FRK: variants seen among roughly 807,000 people sequenced by gnomAD.
FRK encodes tyrosine-protein kinase FRK.
A neutral mutation model predicts 56.4 loss-of-function variants in FRK; 51 were observed. That is an observed-to-expected ratio of 0.90 (90% confidence interval 0.72 to 1.14). The LOEUF (loss-of-function observed/expected upper bound fraction) is 1.14, where lower values mean the gene tolerates loss of function less well. Among genes scored for constraint, FRK ranks in the 50% most tolerant of loss-of-function variants. The pLI is 0.00. For synonymous variants in FRK, 245 were observed against 217.9 expected, an observed-to-expected ratio of 1.12 and a Z score of -1.10; for missense variants, 570 against 601.4, an observed-to-expected ratio of 0.95 and a Z score of 0.55.
intron 5 of FRK, among the ~76,000 whole-genome samples, chr6:115,947,051 G>A (rs1772482872): frequency 6.6e-6 from 1 of 152,012 alleles, no homozygotes; most frequent in South Asian, 2.1e-4. Context: ...TCTGGTAGAG[G>A]TAAACATAAA....
chr6:115,975,082 G>C (rs1399998575), intron 2 of FRK, among the ~76,000 whole-genome samples: 3 of 151,998 alleles, frequency 2.0e-5, no homozygotes, highest in Admixed American at 6.6e-5. Flanking sequence ...ATATTAAATA[G>C]GTAATTATGG....
At chr6:116,073,245 T>C in the FRK span, among the ~76,000 whole-genome samples, 3 of 152,192 alleles carry the variant, frequency 2.0e-5, no homozygotes, top group African/African-American at 7.2e-5. Context: ...GACTTCAAAA[T>C]GTGTCTTATC....
chr6:116,001,665 C>G (rs1481758141), intron 2 of FRK, among the ~76,000 whole-genome samples: 1 of 152,136 alleles, frequency 6.6e-6, no homozygotes, highest in Non-Finnish European at 1.5e-5. Flanking sequence ...AAGTTTGAAT[C>G]CCTCATTTGC....
At chr6:115,960,360 T>G (rs532258271) in intron 4 of FRK, among the ~76,000 whole-genome samples, 26 of 151,648 alleles carry the variant, frequency 1.7e-4, no homozygotes, top group Middle Eastern at 3.4e-3. Flanking sequence ...GGCGCACCAC[T>G]AGACTATATC....
intron 1 of FRK, among the ~76,000 whole-genome samples, chr6:116,045,835 T>C (rs1776930894): frequency 6.6e-6 from 1 of 152,266 alleles, no homozygotes; most frequent in Admixed American, 6.5e-5. Context: ...CAAAAGAAAC[T>C]ATCATCAGAG....
At chr6:116,064,078 C>T (rs987390421), upstream of FRK, among the ~76,000 whole-genome samples, 1 of 152,230 alleles carries the variant, frequency 6.6e-6, no homozygotes, top group South Asian at 2.1e-4. Flanking sequence ...CAGCATGATA[C>T]ACAAGGCCCT....
chr6:116,030,348 C>T (rs1582733690), intron 1 of FRK, among the ~76,000 whole-genome samples: 1 of 152,214 alleles, frequency 6.6e-6, no homozygotes, highest in Admixed American at 6.6e-5. Flanking sequence ...GAGAACTCAG[C>T]CAAAATCATT....
chr6:116,059,176 A>T (rs1399295869), intron 1 of FRK, among the ~76,000 whole-genome samples: 1 of 152,120 alleles, frequency 6.6e-6, no homozygotes, highest in Non-Finnish European at 1.5e-5. Flanking sequence ...AGGTGGATGG[A>T]TGGATGGATG....
chr6:116,003,470 A>G (rs1389980530), intron 2 of FRK, among the ~76,000 whole-genome samples: 1 of 152,208 alleles, frequency 6.6e-6, no homozygotes, highest in East Asian at 1.9e-4. Flanking sequence ...TAATCATTTC[A>G]ATTCGTTTTA....
At position 115,941,857 on chromosome 6, in the gene FRK, G is replaced by T. The variant is rs983982380; in HGVS notation, c.*557C>A. On this transcript the variant is annotated 3_prime_UTR_variant, in exon 8 of 8. Coordinates refer to ENST00000606080, the MANE Select transcript of FRK (RefSeq NM_002031.3). ...CATTTTTTTATGCATAGAAAAAAATGTGCAATTACTCCAAGTACAATCAAG... is the reference window on the plus strand; with the variant it reads ...CATTTTTTTATGCATAGAAAAAAATTTGCAATTACTCCAAGTACAATCAAG... The T allele has an allele frequency of 6.6e-6, 1 of 152,468 alleles. No homozygotes were observed. The highest frequency in any genetic ancestry group is 2.4e-5 in the African/African-American group (1 of 41,366). The allele number at this position is 152,468 out of a possible 1,614,324, so 9.4% of individuals were successfully genotyped here.
Position 115,943,152 on chromosome 6 carries a change from C to A in FRK, c.1174G>T (p.Glu392Ter). The change falls in exon 7 of 8, where the codon GAA becomes TAA. Residue 392 changes from glutamate to a stop codon, truncating the protein, a stop_gained. Transcript: ENST00000606080. LOFTEE classifies it high-confidence loss of function. Reference protein sequence around the residue: ...DNEDIYESRHEIKLPVKWTAP... With the variant: ...DNEDIYESRH The stretch of plus-strand genomic sequence containing the variant: ...GTCCACTTCACCGGCAGCTTTATTT[C>A]GTGTCTAGATTCATAGATGTCTTCA... The A allele has an allele frequency of 6.2e-7, 1 of 1,612,274 alleles. No homozygotes were observed. The highest frequency in any genetic ancestry group is 8.5e-7 in the Non-Finnish European group (1 of 1,179,222).
chr6:116,051,803 A>T (rs1338840570), intron 1 of FRK, among the ~76,000 whole-genome samples: 1 of 152,158 alleles, frequency 6.6e-6, no homozygotes, highest in Non-Finnish European at 1.5e-5. Context: ...AAAACTAGTA[A>T]AAAGAAGATA....
intron 2 of FRK, among the ~76,000 whole-genome samples, chr6:115,977,996 T>A (rs528632338): frequency 6.6e-6 from 1 of 152,140 alleles, no homozygotes; most frequent in African/African-American, 2.4e-5. Flanking sequence ...CAATTTCCCA[T>A]GAAAAGTACA....
At chr6:115,956,679 G>T in intron 4 of FRK, 69 bp from the exon 5 acceptor site, 1 of 1,269,400 alleles carries the variant, frequency 7.9e-7, no homozygotes, top group Non-Finnish European at 1.1e-6. Flanking sequence ...CAGCCTGGTG[G>T]GAATCATCAA....
intron 2 of FRK, among the ~76,000 whole-genome samples, chr6:116,003,258 C>A (rs1775131427): frequency 6.6e-6 from 1 of 152,148 alleles, no homozygotes; most frequent in African/African-American, 2.4e-5. Flanking sequence ...AAAAGATATT[C>A]TGCAACCTGG....
At chr6:116,040,453 T>C (rs1473241991) in intron 1 of FRK, among the ~76,000 whole-genome samples, 2 of 152,198 alleles carry the variant, frequency 1.3e-5, no homozygotes, top group Non-Finnish European at 2.9e-5. Flanking sequence ...TTTACTAACA[T>C]ACATTTGCAA....
intron 2 of FRK, among the ~76,000 whole-genome samples, chr6:115,977,135 T>C (rs1208870701): frequency 6.6e-6 from 1 of 152,162 alleles, no homozygotes; most frequent in East Asian, 1.9e-4. Flanking sequence ...CTAAGATAGC[T>C]CTACACCAAT....
At chr6:116,069,007 T>C in the FRK span, among the ~76,000 whole-genome samples, 3 of 152,324 alleles carry the variant, frequency 2.0e-5, no homozygotes, top group South Asian at 6.2e-4. Context: ...TTCTTGTATA[T>C]GCAATCTCCC....
At chr6:116,095,992 T>C in the FRK span, among the ~76,000 whole-genome samples, 262 of 152,342 alleles carry the variant, frequency 1.7e-3, no homozygotes, top group Non-Finnish European at 3.3e-3. Flanking sequence ...CTCCCCTTTC[T>C]AGGTCCCATG....
Sources: gnomAD v4.1 joint callset for allele counts (sites outside exome capture counted in the v4.1 genomes callset) on GRCh38, gnomAD v4.1.1 for gene constraint, MANE v1.5 for transcripts, NCBI Gene and HGNC (gene_info 2026-07-23, HGNC 2026-07-21) for gene names.